The following SORCS1 variants were observed in gnomAD, a reference collection of about 807,000 sequenced individuals.
SORCS1 encodes the protein VPS10 domain-containing receptor SorCS1.
SORCS1 carries 60 observed loss-of-function variants against 146.1 expected under a neutral mutation model. The ratio of observed to expected loss-of-function variants is 0.41; its 90% CI spans 0.33 to 0.51. SORCS1 has a LOEUF of 0.51. Ranked by LOEUF, SORCS1 falls within the 20% of genes least tolerant of loss-of-function variation. SORCS1 has a pLI of 0.21. For synonymous variants in SORCS1, 637 were observed against 584.0 expected (o/e 1.09, Z -1.31); for missense variants, 1,352 against 1,487.6 (o/e 0.91, Z 1.50).
intron 2 of SORCS1, among the ~76,000 whole-genome samples, chr10:106,863,730 T>C (rs1247131166): frequency 2.0e-5 from 3 of 150,814 alleles, no homozygotes; most frequent in Non-Finnish European, 2.9e-5. Flanking sequence ...GGCGCTCTAA[T>C]ATGCACCATC....
chr10:106,763,471 G>A (rs890838221), intron 4 of SORCS1, among the ~76,000 whole-genome samples: 1 of 152,144 alleles, frequency 6.6e-6, no homozygotes, highest in Non-Finnish European at 1.5e-5. Flanking sequence ...ACTAAACCAA[G>A]CCTCTCTTAT....
At chr10:106,758,465 G>T (rs976466758) in intron 5 of SORCS1, among the ~76,000 whole-genome samples, 1 of 152,128 alleles carries the variant, frequency 6.6e-6, no homozygotes, top group Non-Finnish European at 1.5e-5. Flanking sequence ...GCAGTCATTT[G>T]AAAGTAGGAC....
intron 17 of SORCS1, among the ~76,000 whole-genome samples, chr10:106,658,993 C>A (rs1356963192): frequency 6.6e-6 from 1 of 152,202 alleles, no homozygotes; most frequent in African/African-American, 2.4e-5. Context: ...TCAATAGACA[C>A]AGGCAGCCCC....
At chr10:107,067,070 T>C (rs1462455558) in intron 1 of SORCS1, among the ~76,000 whole-genome samples, 3 of 152,134 alleles carry the variant, frequency 2.0e-5, no homozygotes, top group African/African-American at 7.2e-5. Flanking sequence ...TAGCATTGTT[T>C]TATGGGAGCT....
At chr10:106,970,855 C>T (rs191972948) in intron 1 of SORCS1, among the ~76,000 whole-genome samples, 2 of 151,728 alleles carry the variant, frequency 1.3e-5, no homozygotes, top group East Asian at 3.9e-4. Flanking sequence ...TCTCCTGACT[C>T]AGCCTCCCAA....
chr10:106,938,237 T>C (rs1953853102), intron 2 of SORCS1, among the ~76,000 whole-genome samples: 1 of 152,174 alleles, frequency 6.6e-6, no homozygotes, highest in African/African-American at 2.4e-5. Context: ...TGCTCTAGTG[T>C]ACAGGCCTAT....
chr10:106,724,750 G>T (rs910808912), intron 6 of SORCS1, among the ~76,000 whole-genome samples: 11 of 152,160 alleles, frequency 7.2e-5, no homozygotes, highest in Non-Finnish European at 1.6e-4. Flanking sequence ...AGCCAAACTG[G>T]CAAGTGGGGG....
chr10:106,751,948 A>G (rs991358642), intron 5 of SORCS1, among the ~76,000 whole-genome samples: 14 of 152,328 alleles, frequency 9.2e-5, no homozygotes, highest in African/African-American at 2.9e-4. Flanking sequence ...GGAAATGAAA[A>G]GAAGACAATA....
intron 1 of SORCS1, among the ~76,000 whole-genome samples, chr10:107,123,317 T>C (rs1966513071): frequency 6.6e-6 from 1 of 152,186 alleles, no homozygotes. Context: ...AATAAAGCAA[T>C]ATAGAAGATA....
intron 1 of SORCS1, among the ~76,000 whole-genome samples, chr10:107,132,801 G>T (rs938104827): frequency 6.6e-6 from 1 of 152,030 alleles, no homozygotes; most frequent in South Asian, 2.1e-4. Flanking sequence ...CAGCCCCGTT[G>T]TTACTCTATG....
intron 1 of SORCS1, among the ~76,000 whole-genome samples, chr10:107,156,743 G>A (rs575066198): frequency 7.2e-4 from 109 of 152,248 alleles, no homozygotes; most frequent in African/African-American, 2.5e-3. Flanking sequence ...ATGGGAAGAC[G>A]TAGTGAGACC....
At chr10:106,748,359 T>C (rs550040032) in intron 5 of SORCS1, among the ~76,000 whole-genome samples, 18 of 152,294 alleles carry the variant, frequency 1.2e-4, no homozygotes, top group African/African-American at 4.3e-4. Flanking sequence ...ATGTGACTAT[T>C]GTGATTGTTT....
chr10:106,762,307 T>C (rs1020102317), intron 4 of SORCS1, among the ~76,000 whole-genome samples: 1 of 151,938 alleles, frequency 6.6e-6, no homozygotes, highest in African/African-American at 2.4e-5. Flanking sequence ...TAAGCTTATC[T>C]AAGTAATAAT....
intron 17 of SORCS1, among the ~76,000 whole-genome samples, chr10:106,666,813 A>G (rs7081255): frequency 0.2 from 30,024 of 151,096 alleles, 3,705 homozygotes; most frequent in African/African-American, 0.34. Flanking sequence ...TGATCCGCCC[A>G]CCTTAGCCTC....
intron 1 of SORCS1, among the ~76,000 whole-genome samples, chr10:107,066,878 CTG>C (rs1351200264): frequency 6.6e-6 from 1 of 152,172 alleles, no homozygotes; most frequent in Non-Finnish European, 1.5e-5. Context: ...GTTGGGCCCT[CTG>C]TAATATAATC....
At chr10:106,579,052 A>C (rs1475992358) in intron 25 of SORCS1, 1 of 1,609,080 alleles carries the variant, frequency 6.2e-7, no homozygotes, top group East Asian at 2.2e-5. Flanking sequence ...GCCATTGCCT[A>C]CTCAGCCGAA....
chr10:106,738,388 G>A (rs112642607), intron 5 of SORCS1, among the ~76,000 whole-genome samples: 8 of 152,354 alleles, frequency 5.3e-5, no homozygotes, highest in African/African-American at 7.2e-5. Flanking sequence ...CATTTCTGTA[G>A]GGAGGAGACC....
chr10:106,962,258 G>A (rs1955261143), intron 1 of SORCS1, among the ~76,000 whole-genome samples: 1 of 151,822 alleles, frequency 6.6e-6, no homozygotes, highest in Non-Finnish European at 1.5e-5. Context: ...AATTAGCCTG[G>A]CATGGTGGTG....
intron 13 of SORCS1, among the ~76,000 whole-genome samples, chr10:106,676,841 C>A (rs1297243112): frequency 1.3e-5 from 2 of 152,124 alleles, no homozygotes; most frequent in Admixed American, 1.3e-4. Flanking sequence ...AACCATCAGG[C>A]CTCCCAGGTA....
Sources: allele counts gnomAD v4.1 joint callset (sites outside exome capture counted in the v4.1 genomes callset), GRCh38; gene constraint gnomAD v4.1.1; transcripts MANE v1.5; gene names NCBI Gene and HGNC (gene_info 2026-07-23, HGNC 2026-07-21).